The following SHANK2 variants were observed in gnomAD, a reference collection of about 807,000 sequenced individuals.
SHANK2 encodes the protein SH3 and multiple ankyrin repeat domains 2.
Under a neutral mutation model 133.7 loss-of-function variants are expected in SHANK2, and 43 were observed. That is an observed-to-expected ratio of 0.32 (90% confidence interval 0.25 to 0.41). SHANK2 has a LOEUF of 0.41. Among genes scored for constraint, SHANK2 ranks in the 10% least tolerant of loss-of-function variants. SHANK2 has a pLI of 1.00. For synonymous variants in SHANK2, 1,017 were observed against 952.8 expected (o/e 1.07, Z -1.24); for missense variants, 1,994 against 2,235.8 (o/e 0.89, Z 2.18).
intron 2 of SHANK2, among the ~76,000 whole-genome samples, chr11:71,224,026 G>A (rs1954600863): frequency 6.6e-6 from 1 of 152,228 alleles, no homozygotes; most frequent in Non-Finnish European, 1.5e-5. Flanking sequence ...CCAGTGTGTG[G>A]TCAAGCCAAG....
chr11:70,666,260 C>G (rs1944676146), intron 15 of SHANK2, among the ~76,000 whole-genome samples: 1 of 152,178 alleles, frequency 6.6e-6, no homozygotes, highest in Non-Finnish European at 1.5e-5. Flanking sequence ...CCCTTAGAAA[C>G]TTTCAATGTT....
intron 14 of SHANK2, among the ~76,000 whole-genome samples, chr11:70,759,610 T>C (rs1054027773): frequency 6.6e-6 from 1 of 152,176 alleles, no homozygotes; most frequent in Non-Finnish European, 1.5e-5. Context: ...AAAGGAGAGA[T>C]TGTGAGACTG....
chr11:71,150,629 T>C (rs12366167), intron 2 of SHANK2, among the ~76,000 whole-genome samples: 39,833 of 151,872 alleles, frequency 0.26, 5,762 homozygotes, highest in Middle Eastern at 0.35. Flanking sequence ...GGGATCCCCC[T>C]AGGGTGTGTG....
intron 10 of SHANK2, among the ~76,000 whole-genome samples, chr11:70,947,718 C>T (rs1480071506): frequency 6.6e-6 from 1 of 152,262 alleles, no homozygotes; most frequent in East Asian, 1.9e-4. Flanking sequence ...CATGTGCGTC[C>T]TGTGGTTACT....
At chr11:70,595,037 T>C (rs560942314) in intron 17 of SHANK2, among the ~76,000 whole-genome samples, 1 of 152,330 alleles carries the variant, frequency 6.6e-6, no homozygotes, top group East Asian at 1.9e-4. Context: ...GCTTCACATC[T>C]GGGTGGGCCT....
intron 11 of SHANK2, among the ~76,000 whole-genome samples, chr11:70,893,328 C>G (rs558336933): frequency 8.5e-5 from 13 of 152,352 alleles, no homozygotes; most frequent in Admixed American, 8.5e-4. Context: ...TGAGACCCTC[C>G]CCACCACATA....
intron 15 of SHANK2, among the ~76,000 whole-genome samples, chr11:70,692,188 TG>T (rs1398009513): frequency 1.9e-4 from 29 of 152,162 alleles, no homozygotes; most frequent in Non-Finnish European, 4.1e-4. Context: ...GGGAAATCAA[TG>T]TTTCTTGCCA....
At chr11:70,781,580 A>ATATATATATATTTATT (rs34035945) in intron 14 of SHANK2, among the ~76,000 whole-genome samples, 4 of 126,296 alleles carry the variant, frequency 3.2e-5, no homozygotes, top group African/African-American at 1.2e-4. Context: ...ATATATATAT[A>ATATATATATATTTATT]TATTTACTTA....
At chr11:70,524,625 A>G (rs548691489) in intron 17 of SHANK2, among the ~76,000 whole-genome samples, 2 of 152,336 alleles carry the variant, frequency 1.3e-5, no homozygotes, top group Non-Finnish European at 2.9e-5. Context: ...CAGAGATCCC[A>G]TCAGCTCAGC....
At chr11:70,919,042 T>C (rs1182858781) in intron 10 of SHANK2, among the ~76,000 whole-genome samples, 2 of 151,986 alleles carry the variant, frequency 1.3e-5, no homozygotes, top group African/African-American at 2.4e-5. Context: ...TACGCACCTG[T>C]GGTCCAAGCC....
chr11:70,852,920 G>T (rs1026294387), intron 11 of SHANK2, among the ~76,000 whole-genome samples: 3 of 152,338 alleles, frequency 2.0e-5, no homozygotes, highest in East Asian at 1.9e-4. Context: ...GGGTTGCCTT[G>T]GCAAGGCCTT....
rs150444799 is a variant in SHANK2, at chr11:70,923,154, A to G, written c.1108-26587T>C. On this transcript the variant is annotated intron_variant, in intron 10 of 25. Transcript: ENST00000601538. ...GAAGAAGAAAGAAATTTGCAGTTGC[A>G]TGGTCAGGAGGGGGTGATAATAGAT... Among the ~76,000 whole-genome samples, 473 of 152,310 alleles carry G rather than the reference A, an allele frequency of 3.1e-3. 4 individuals are homozygous for G. The highest frequency in any genetic ancestry group is 0.028 in the South Asian group (137 of 4,828).
intron 3 of SHANK2, among the ~76,000 whole-genome samples, chr11:71,143,439 T>C (rs1272372215): frequency 2.6e-5 from 4 of 152,224 alleles, no homozygotes; most frequent in African/African-American, 7.2e-5. Context: ...GCCTGCCCGA[T>C]GCGCGGGTTC....
chr11:71,226,371 G>T (rs782800187), intron 1 of SHANK2, among the ~76,000 whole-genome samples: 41 of 152,184 alleles, frequency 2.7e-4, no homozygotes, highest in Non-Finnish European at 5.0e-4. Context: ...CAGAAGGAGA[G>T]AGAAGAGAGG....
chr11:70,826,807 C>G (rs1555057303), intron 11 of SHANK2: 2 of 257,228 alleles, frequency 7.8e-6, no homozygotes, highest in South Asian at 4.4e-5. Flanking sequence ...CTTTTGTGCT[C>G]AGGGCATTGA....
intron 11 of SHANK2, among the ~76,000 whole-genome samples, chr11:70,855,471 C>T (rs1002645828): frequency 6.7e-4 from 102 of 152,346 alleles, no homozygotes; most frequent in Non-Finnish European, 1.9e-4. Context: ...GGCAGGTCCC[C>T]CTTTAGCCAG....
At chr11:70,779,844 C>A (rs1424373254) in intron 14 of SHANK2, among the ~76,000 whole-genome samples, 1 of 152,232 alleles carries the variant, frequency 6.6e-6, no homozygotes, top group Non-Finnish European at 1.5e-5. Context: ...GCCATCTTCC[C>A]TACACCCCTG....
intron 14 of SHANK2, among the ~76,000 whole-genome samples, chr11:70,785,813 G>A (rs1476636545): frequency 6.6e-6 from 1 of 152,204 alleles, no homozygotes; most frequent in Non-Finnish European, 1.5e-5. Context: ...CGGGCACCAG[G>A]CTGCCCAAAC....
chr11:70,926,960 A>G (rs1469939135), intron 10 of SHANK2, among the ~76,000 whole-genome samples: 1 of 151,914 alleles, frequency 6.6e-6, no homozygotes, highest in East Asian at 1.9e-4. Flanking sequence ...ACCAATAACC[A>G]CTTGTCTCTC....
Sources: allele counts gnomAD v4.1 joint callset (sites outside exome capture counted in the v4.1 genomes callset), GRCh38; gene constraint gnomAD v4.1.1; transcripts MANE v1.5; gene names NCBI Gene and HGNC (gene_info 2026-07-23, HGNC 2026-07-21).